The following MBP variants were observed in gnomAD, a reference collection of about 807,000 sequenced individuals.
MBP encodes the protein myelin basic protein.
In MBP, 16 loss-of-function variants were observed where a neutral mutation model predicts 35.8. The ratio of observed to expected loss-of-function variants is 0.45; its 90% CI spans 0.30 to 0.68. The LOEUF (loss-of-function observed/expected upper bound fraction) is 0.68. MBP is among the 30% of genes least tolerant of loss of function. The pLI, the probability that MBP is intolerant of heterozygous loss-of-function variation, is 0.08. For synonymous variants in MBP, 143 were observed against 159.6 expected (o/e 0.90, Z 0.78); for missense variants, 380 against 404.7 (o/e 0.94, Z 0.52).
chr18:77,118,548 G>A (rs1328792599), intron 1 of MBP, among the ~76,000 whole-genome samples: 2 of 151,664 alleles, frequency 1.3e-5, no homozygotes, highest in Non-Finnish European at 2.9e-5. Context: ...GACAGAGACA[G>A]TGCGGAAAGC....
chr18:77,072,426 G>A (rs1042067348), intron 2 of MBP, among the ~76,000 whole-genome samples: 1 of 152,140 alleles, frequency 6.6e-6, no homozygotes, highest in African/African-American at 2.4e-5. Flanking sequence ...ATCATTATTC[G>A]CATGACAGCC....
intron 3 of MBP, among the ~76,000 whole-genome samples, chr18:77,041,834 C>T (rs749852918): frequency 6.6e-6 from 1 of 150,828 alleles, no homozygotes; most frequent in African/African-American, 2.4e-5. Flanking sequence ...TGTTAAACGA[C>T]GAGTTACTGG....
intron 3 of MBP, among the ~76,000 whole-genome samples, chr18:77,025,343 G>T (rs112058303): frequency 2.5e-4 from 38 of 152,330 alleles, no homozygotes; most frequent in African/African-American, 8.7e-4. Flanking sequence ...AGACCCAGAG[G>T]CTTTCTGATC....
rs1969714769 is a variant in MBP, at chr18:76,988,716, G to A, written c.717+161C>T. On this transcript the variant is annotated intron_variant, in intron 6 of 8. Transcript: ENST00000355994. This position sits in a 1 kb window ranked among gnomAD's most constrained non-coding sequence, Gnocchi z 5.2. The stretch of plus-strand genomic sequence containing the variant: ...CAGGTGCGGGAGGGACAGGAGGGGT[G>A]CATGGATCTGCCGACCTGTTCTACT... 13 of 1,315,602 alleles carry A rather than the reference G, an allele frequency of 9.9e-6. No homozygotes were observed. In the Admixed American group the frequency reaches 2.6e-4, roughly 26 times the overall value. 81.5% of individuals were successfully genotyped at this position (1,315,602 alleles called of 1,614,324 possible). A position where few individuals can be genotyped will look rare whatever the true frequency, so the allele number is the denominator to read the frequency against.
chr18:77,119,350 C>T (rs370096935), intron 1 of MBP, among the ~76,000 whole-genome samples: 25 of 152,206 alleles, frequency 1.6e-4, no homozygotes, highest in East Asian at 3.8e-4. Flanking sequence ...CACACCCAGC[C>T]GGGTCTCTGT....
chr18:77,075,328 G>T (rs540985656), intron 2 of MBP, among the ~76,000 whole-genome samples: 21 of 152,328 alleles, frequency 1.4e-4, no homozygotes, highest in Admixed American at 1.1e-3. Context: ...AAATGGAATT[G>T]ATAAGAGAAA....
intron 8 of MBP, chr18:76,980,886 A>ACC (rs1969155994): frequency 1.6e-5 from 3 of 191,048 alleles, no homozygotes; most frequent in African/African-American, 4.7e-5. Context: ...TTTCGGCGGG[A>ACC]CCCTAGCACA....
intron 4 of MBP, among the ~76,000 whole-genome samples, chr18:76,991,178 C>T (rs560090981): frequency 2.6e-5 from 4 of 151,552 alleles, no homozygotes; most frequent in South Asian, 2.1e-4. Context: ...ACACTGACAC[C>T]GGGCTGATTT....
At chr18:77,089,009 C>T (rs927169808) in intron 2 of MBP, among the ~76,000 whole-genome samples, 33 of 152,352 alleles carry the variant, frequency 2.2e-4, no homozygotes, top group Admixed American at 2.0e-3. Flanking sequence ...CAGGGCCTGG[C>T]GCAGTGGTGC....
chr18:76,988,769 G>A lies in MBP; in HGVS notation c.717+108C>T. 1.4e-6 allele frequency: 2 copies of A among 1,407,038 alleles called. No homozygotes were observed. The highest frequency in any genetic ancestry group is 2.0e-6 in the Non-Finnish European group (2 of 1,022,532). 87.2% of individuals were successfully genotyped at this position (1,407,038 alleles called of 1,614,324 possible). ...GGAGCTGCCTGGCAACACGTTTTGG[G>A]ATGGATTCTGGTAGCTCGGAGCCTA... On this transcript the variant is annotated intron_variant, in intron 6 of 8. Coordinates refer to ENST00000355994, the MANE Select transcript of MBP (RefSeq NM_001025101.2). This position sits in a 1 kb window ranked among gnomAD's most constrained non-coding sequence, Gnocchi z 5.2.
At chr18:77,033,809 TCCACACACCCAC>T (rs1972639130) in intron 3 of MBP, among the ~76,000 whole-genome samples, 1 of 127,584 alleles carries the variant, frequency 7.8e-6, no homozygotes, top group Non-Finnish European at 1.7e-5. Flanking sequence ...CACTCACCCA[TCCACACACCCAC>T]CCACATATCC....
At chr18:77,069,984 T>C (rs2144832840) in intron 2 of MBP, among the ~76,000 whole-genome samples, 2 of 152,248 alleles carry the variant, frequency 1.3e-5, no homozygotes, top group South Asian at 4.1e-4. Context: ...CCTGGGAAAT[T>C]TCATGACTAA....
At chr18:77,091,446 A>T (rs772289318) in intron 2 of MBP, among the ~76,000 whole-genome samples, 30 of 152,338 alleles carry the variant, frequency 2.0e-4, no homozygotes, top group African/African-American at 2.6e-4. Flanking sequence ...TATGATAATT[A>T]GATTAATACA....
Position 76,989,901 on chromosome 18 carries a change from C to T in MBP, c.681+55G>A, listed in dbSNP as rs1969795124. On this transcript the variant is annotated intron_variant, in intron 5 of 8. Coordinates refer to ENST00000355994, the MANE Select transcript of MBP (RefSeq NM_001025101.2). This position sits in a 1 kb window ranked among gnomAD's most constrained non-coding sequence, Gnocchi z 4.0. ...GTCCTGTGTGGATGACAGCAGTGGCCAGCACCCCTCCTCCCCCTCACAGTT... is the reference window on the plus strand; with the variant it reads ...GTCCTGTGTGGATGACAGCAGTGGCTAGCACCCCTCCTCCCCCTCACAGTT... The T allele has an allele frequency of 4.8e-6, 7 of 1,463,138 alleles. No individual in the cohort carries two copies. Among genetic ancestry groups the T allele is most frequent in the Non-Finnish European group, 6.7e-6 (7 of 1,044,786 alleles). The allele number at this position is 1,463,138 out of a possible 1,614,324, so 90.6% of individuals were successfully genotyped here. A position where few individuals can be genotyped will look rare whatever the true frequency, so the allele number is the denominator to read the frequency against.
At chr18:77,114,888 A>C (rs1667920) in intron 1 of MBP, 38,380 of 152,426 alleles carry the variant, frequency 0.25, 5,611 homozygotes, top group South Asian at 0.38. Context: ...GGAAGTGGGG[A>C]AGGCCTGGGG....
chr18:77,124,506 C>T (rs1191424263), intron 1 of MBP, among the ~76,000 whole-genome samples: 1 of 151,872 alleles, frequency 6.6e-6, no homozygotes, highest in Non-Finnish European at 1.5e-5. Context: ...GCCTGCACCT[C>T]CTTCCCCAGC....
intron 8 of MBP, 165 bp downstream of exon 8, chr18:76,984,610 G>A (rs967543904): frequency 3.6e-6 from 3 of 833,510 alleles, no homozygotes; most frequent in Non-Finnish European, 5.7e-6. Context: ...GCGTAAATGC[G>A]GGTGGGCAAT....
intron 1 of MBP, 39 bp from the exon 2 acceptor site, chr18:77,105,325 G>T: frequency 2.3e-6 from 3 of 1,295,006 alleles, no homozygotes; most frequent in Non-Finnish European, 3.4e-6. Context: ...TAAGTCTAGT[G>T]CTCTTAGAGT....
rs183900950 is a variant in MBP at position 76,986,673 on chromosome 18, G to T, written c.751-1779C>A. 44 of 985,532 alleles carry T rather than the reference G, an allele frequency of 4.5e-5. No homozygotes were observed. The East Asian group carries it at 4.0e-3, about 89-fold the overall frequency. The allele number at this position is 985,532 out of a possible 1,614,324, so 61.0% of individuals were successfully genotyped here. ...GCTCTTGCGTCCTAGAGGTTTCCAG[G>T]TTCATGCTCACTCCCTGATGGCAGA... On this transcript the variant is annotated intron_variant, in intron 7 of 8. Transcript: ENST00000355994.
Sources: allele counts gnomAD v4.1 joint callset (sites outside exome capture counted in the v4.1 genomes callset), GRCh38; gene constraint gnomAD v4.1.1; non-coding constraint Gnocchi (gnomAD v3.1); transcripts MANE v1.5; gene names NCBI Gene and HGNC (gene_info 2026-07-23, HGNC 2026-07-21).